The following DNM3 variants were observed in gnomAD, a reference collection of about 807,000 sequenced individuals.
DNM3 encodes the protein dynamin 3, also known as dynamin-3.
Under a neutral mutation model 101.6 loss-of-function variants are expected in DNM3, and 47 were observed. That is an observed-to-expected ratio of 0.46 (90% CI 0.37 to 0.59). The LOEUF (loss-of-function observed/expected upper bound fraction) is 0.59, where lower values mean the gene tolerates loss of function less well. Ranked by LOEUF, DNM3 falls within the 20% of genes least tolerant of loss-of-function variation. The pLI is 0.00. For synonymous variants in DNM3, 385 were observed against 387.9 expected (o/e 0.99, Z 0.09); for missense variants, 849 against 1,085.7 (o/e 0.78, Z 3.06).
At chr1:172,138,775 C>A in intron 14 of DNM3, 1 of 385,042 alleles carries the variant, frequency 2.6e-6, no homozygotes. Flanking sequence ...GGGCTGCTTT[C>A]TTTCAATGGC....
At chr1:172,076,253 A>G (rs1479698294) in intron 11 of DNM3, among the ~76,000 whole-genome samples, 1 of 152,216 alleles carries the variant, frequency 6.6e-6, no homozygotes, top group Non-Finnish European at 1.5e-5. Flanking sequence ...CAATCATGTC[A>G]TCTGCAAAGA....
chr1:172,412,833 A>C (rs2071286838), downstream of DNM3: 14 of 786,910 alleles, frequency 1.8e-5, no homozygotes, highest in South Asian at 8.1e-4. Flanking sequence ...TACCAAAGTA[A>C]AGAATGATAG....
chr1:172,203,480 A>T (rs939658729), intron 14 of DNM3, among the ~76,000 whole-genome samples: 2 of 152,168 alleles, frequency 1.3e-5, no homozygotes, highest in Non-Finnish European at 2.9e-5. Context: ...TGTTTATATG[A>T]TATCTGATCC....
rs548346505 is a variant in DNM3 at position 171,959,128 on chromosome 1, TG to T, written c.236-28526del. 3.3e-5 allele frequency among the ~76,000 whole-genome samples: 5 copies of T among 152,246 alleles called. No homozygotes were observed. In the South Asian group the frequency reaches 1.0e-3, roughly 32 times the overall value. Reference sequence around the variant, plus strand: ...GATAATAAAATAAAATTAAAAATCATGGTTAATTCTCATGGAGGAGAAGGTG... The same window carrying T: ...GATAATAAAATAAAATTAAAAATCATGTTAATTCTCATGGAGGAGAAGGTG... On this transcript the variant is annotated intron_variant, in intron 2 of 20. Transcript: ENST00000627582.
intron 2 of DNM3, among the ~76,000 whole-genome samples, chr1:171,959,938 G>A (rs1302376022): frequency 1.3e-5 from 2 of 152,092 alleles, no homozygotes; most frequent in Non-Finnish European, 2.9e-5. Flanking sequence ...AGGGGGTAGA[G>A]GAATCTTTGT....
At chr1:172,017,631 A>C (rs1236456480) in intron 4 of DNM3, among the ~76,000 whole-genome samples, 1 of 152,112 alleles carries the variant, frequency 6.6e-6, no homozygotes, top group Non-Finnish European at 1.5e-5. Flanking sequence ...GTGTCCATGA[A>C]CTTAGTCAAG....
At chr1:171,856,518 T>C (rs529848621) in intron 1 of DNM3, among the ~76,000 whole-genome samples, 1 of 152,354 alleles carries the variant, frequency 6.6e-6, no homozygotes, top group East Asian at 1.9e-4. Flanking sequence ...TGGGATGTTT[T>C]TCCATTTGTT....
intron 4 of DNM3, among the ~76,000 whole-genome samples, chr1:172,014,841 G>A (rs1161494546): frequency 6.6e-6 from 1 of 151,900 alleles, no homozygotes; most frequent in Non-Finnish European, 1.5e-5. Flanking sequence ...TGTCTTTGGT[G>A]TTGTGTCTAG....
intron 17 of DNM3, among the ~76,000 whole-genome samples, chr1:172,357,132 AAG>A (rs1206268324): frequency 1.3e-5 from 2 of 152,100 alleles, no homozygotes; most frequent in African/African-American, 4.8e-5. Context: ...ATTAATTTAG[AAG>A]AGAAGATCAA....
chr1:172,000,632 C>A (rs2046301318), intron 4 of DNM3, among the ~76,000 whole-genome samples: 1 of 152,100 alleles, frequency 6.6e-6, no homozygotes, highest in Non-Finnish European at 1.5e-5. Flanking sequence ...AAATCATCCT[C>A]ACCTCCAATC....
chr1:172,272,363 AG>A (rs942435215), intron 15 of DNM3, among the ~76,000 whole-genome samples: 103 of 152,270 alleles, frequency 6.8e-4, no homozygotes, highest in African/African-American at 2.4e-3. Flanking sequence ...GATATCCTTA[AG>A]TGAAACTTGC....
intron 15 of DNM3, among the ~76,000 whole-genome samples, chr1:172,269,468 G>T (rs754393066): frequency 1.3e-5 from 2 of 152,098 alleles, no homozygotes; most frequent in Non-Finnish European, 2.9e-5. Flanking sequence ...GAAAAAATAT[G>T]ATCAATTCTA....
intron 1 of DNM3, among the ~76,000 whole-genome samples, chr1:171,891,214 G>A (rs1008819772): frequency 2.0e-5 from 3 of 152,070 alleles, no homozygotes; most frequent in Non-Finnish European, 4.4e-5. Flanking sequence ...CATTAGAGAT[G>A]GGGCTGCAGG....
At chr1:171,991,571 C>T (rs2045632701) in intron 4 of DNM3, among the ~76,000 whole-genome samples, 1 of 152,180 alleles carries the variant, frequency 6.6e-6, no homozygotes. Flanking sequence ...GCATCTCCAG[C>T]TATCCAGAAG....
intron 16 of DNM3, among the ~76,000 whole-genome samples, chr1:172,316,306 G>A (rs2065351554): frequency 1.3e-5 from 2 of 151,838 alleles, no homozygotes; most frequent in Admixed American, 6.6e-5. Context: ...AAAGACCATC[G>A]AGACTAGGAA....
At chr1:172,153,264 C>G (rs941126814) in intron 14 of DNM3, among the ~76,000 whole-genome samples, 4 of 152,100 alleles carry the variant, frequency 2.6e-5, no homozygotes, top group African/African-American at 9.7e-5. Context: ...AAACATTCTG[C>G]AACAAGTTCA....
At chr1:172,228,643 G>A (rs1272968777) in intron 14 of DNM3, among the ~76,000 whole-genome samples, 1 of 151,772 alleles carries the variant, frequency 6.6e-6, no homozygotes, top group African/African-American at 2.4e-5. Flanking sequence ...AAGTTTTTTT[G>A]CCTAAGATTT....
chr1:172,210,720 T>C (rs2060485314), intron 14 of DNM3, among the ~76,000 whole-genome samples: 2 of 152,122 alleles, frequency 1.3e-5, no homozygotes, highest in South Asian at 4.1e-4. Flanking sequence ...AGGCAAAATA[T>C]GTTCAAAAAG....
intron 4 of DNM3, among the ~76,000 whole-genome samples, chr1:172,005,160 G>A (rs2046603836): frequency 6.6e-6 from 1 of 151,952 alleles, no homozygotes; most frequent in African/African-American, 2.4e-5. Context: ...ATTTCTCTGT[G>A]TCTCAGTTTC....
Sources: allele counts gnomAD v4.1 joint callset (sites outside exome capture counted in the v4.1 genomes callset), GRCh38; gene constraint gnomAD v4.1.1; transcripts MANE v1.5; gene names NCBI Gene and HGNC (gene_info 2026-07-23, HGNC 2026-07-21).